The following ANK1 variants were observed in gnomAD, a reference collection of about 807,000 sequenced individuals.
The protein encoded by ANK1 is ankyrin-1.
A neutral mutation model predicts 210.4 loss-of-function variants in ANK1; 51 were observed. The observed-to-expected ratio is 0.24, with a 90% CI of 0.19 to 0.31. The LOEUF is 0.31. Ranked by LOEUF, ANK1 falls within the 10% of genes least tolerant of loss-of-function variation. The pLI is 1.00. For missense variants in ANK1, 2,051 were observed against 2,504.4 expected (o/e 0.82, Z 3.86); for synonymous variants, 967 against 1,025.9 (o/e 0.94, Z 1.10).
chr8:41,888,764 A>C (rs1051086518), intron 1 of ANK1, among the ~76,000 whole-genome samples: 31 of 152,196 alleles, frequency 2.0e-4, no homozygotes, highest in African/African-American at 7.5e-4. Context: ...ACAAAGCAGA[A>C]ACCCCAGGAC....
Position 41,727,991 on chromosome 8 carries a change from G to A in ANK1, c.244C>T (p.Leu82=). The A allele has an allele frequency of 6.2e-7, 1 of 1,613,950 alleles. No individual in the cohort carries two copies. Among genetic ancestry groups the A allele is most frequent in the East Asian group, 2.2e-5 (1 of 44,894 alleles). ...ETTTKKGNTA[L]HIAALAGQDE... is the part of the protein sequence containing the mutation. ...TGCCCGGCTAGAGCAGCGATGTGCA[G>A]GGCCGTGTTCCCCTTCTGAAACACA... is the stretch of plus-strand genomic sequence containing the variant. The change falls in exon 4 of 43, where the codon CTG becomes TTG. Residue 82 remains leucine, a synonymous_variant. Coordinates refer to ENST00000289734, the MANE Select transcript of ANK1 (RefSeq NM_000037.4).
At chr8:41,701,459 G>C (rs1780379689) in intron 22 of ANK1, 91 bp downstream of exon 22, 1 of 1,191,664 alleles carries the variant, frequency 8.4e-7, no homozygotes, top group African/African-American at 1.5e-5. Flanking sequence ...TGTTGTAAGG[G>C]GACAAAGCCG....
chr8:41,845,580 G>A (rs945168931), intron 1 of ANK1, among the ~76,000 whole-genome samples: 1 of 151,964 alleles, frequency 6.6e-6, no homozygotes, highest in South Asian at 2.1e-4. Flanking sequence ...GGGCTTGGGG[G>A]GGTCTGGATC....
intron 1 of ANK1, among the ~76,000 whole-genome samples, chr8:41,852,986 G>T (rs1426475368): frequency 2.0e-5 from 3 of 152,162 alleles, no homozygotes; most frequent in African/African-American, 7.2e-5. Context: ...TCCATATGTG[G>T]TGGCTCCTTT....
intron 1 of ANK1, among the ~76,000 whole-genome samples, chr8:41,790,144 CTTTTT>C (rs112954712): frequency 7.3e-6 from 1 of 136,974 alleles, no homozygotes; most frequent in African/African-American, 2.7e-5. Flanking sequence ...GGAAAGGAAT[CTTTTT>C]TTTTTTTTTT....
intron 39 of ANK1, chr8:41,664,292 C>T (rs914322121): frequency 1.8e-5 from 7 of 394,146 alleles, no homozygotes; most frequent in South Asian, 5.6e-5. Flanking sequence ...GGCAACATAG[C>T]GAGCCCCCAT....
intron 7 of ANK1, among the ~76,000 whole-genome samples, chr8:41,724,038 T>C (rs983073478): frequency 1.3e-5 from 2 of 151,960 alleles, no homozygotes; most frequent in Non-Finnish European, 2.9e-5. Context: ...TCCGCCCGTC[T>C]CGGCCTCCCA....
intron 1 of ANK1, among the ~76,000 whole-genome samples, chr8:41,876,197 C>A (rs112062759): frequency 0.036 from 5,442 of 152,216 alleles, 339 homozygotes; most frequent in African/African-American, 0.12. Context: ...CGGGGACGGC[C>A]CTGTCTGGCC....
intron 18 of ANK1, among the ~76,000 whole-genome samples, chr8:41,705,368 G>T (rs545058147): frequency 1.3e-5 from 2 of 152,334 alleles, no homozygotes; most frequent in African/African-American, 2.4e-5. Flanking sequence ...AAGCCTCAAA[G>T]ATCCAGAACA....
rs755174242 is a variant in ANK1 at position 41,704,367 on chromosome 8, C to T, written c.2196+7G>A. Reference sequence around the variant, plus strand: ...GTGCAGGAGTCGGGGCTGGGGCACCCCTGTACCTTGGTCTTGGCATTGACA... The same window carrying T: ...GTGCAGGAGTCGGGGCTGGGGCACCTCTGTACCTTGGTCTTGGCATTGACA... On this transcript the variant is annotated splice_region_variant and intron_variant, in intron 19 of 42. Coordinates refer to ENST00000289734, the MANE Select transcript of ANK1 (RefSeq NM_000037.4). This position sits in a 1 kb window ranked among gnomAD's most constrained non-coding sequence, Gnocchi z 4.1. 3.7e-6 allele frequency: 6 copies of T among 1,613,522 alleles called. No individual in the cohort carries two copies. Among genetic ancestry groups the T allele is most frequent in the Non-Finnish European group, 5.1e-6 (6 of 1,179,622 alleles).
chr8:41,733,700 G>C (rs925650201), intron 3 of ANK1, among the ~76,000 whole-genome samples: 1 of 152,138 alleles, frequency 6.6e-6, no homozygotes, highest in Non-Finnish European at 1.5e-5. Flanking sequence ...CTGAGTTCGA[G>C]TCAAGGACCC....
intron 1 of ANK1, among the ~76,000 whole-genome samples, chr8:41,888,785 C>T (rs10958702): frequency 0.19 from 28,656 of 152,136 alleles, 2,916 homozygotes; most frequent in East Asian, 0.4. Context: ...TCCGTTTTCA[C>T]CTGCTCTTTC....
chr8:41,889,876 C>T (rs1489271111), intron 1 of ANK1, among the ~76,000 whole-genome samples: 6 of 152,206 alleles, frequency 3.9e-5, no homozygotes, highest in East Asian at 1.9e-4. Flanking sequence ...AAGTTATTGA[C>T]GAACCCATGC....
intron 1 of ANK1, among the ~76,000 whole-genome samples, chr8:41,820,250 C>T (rs1335976498): frequency 6.6e-6 from 1 of 151,708 alleles, no homozygotes; most frequent in Non-Finnish European, 1.5e-5. Context: ...GCCTCAAACT[C>T]CTGGACTCAA....
In ANK1 at chr8:41,661,887, C is replaced by T; in HGVS notation, c.5533G>A (p.Glu1845Lys). 2 of 1,614,128 alleles carry T rather than the reference C, an allele frequency of 1.2e-6. No homozygotes were observed. Among genetic ancestry groups the T allele is most frequent in the South Asian group, 2.2e-5 (2 of 91,082 alleles). Residue 1845 changes from glutamate (E) to lysine (K), a missense_variant, in exon 41 of 43, where the codon GAG becomes AAG. By Grantham distance (56) the Glu-to-Lys change is moderately conservative. This residue lies in a region of ANK1 where 496 missense variants were observed against 533.4 expected (regional missense o/e 0.93). Coordinates refer to ENST00000289734, the MANE Select transcript of ANK1 (RefSeq NM_000037.4). ...CCCTCTACAGTCACCTCCTCGTGCT[C>T]CTGGGCGGCATCGGCGCTGGACAAG... ...IDLSSADAAQ[E>K]HEEVELRGSG...
intron 2 of ANK1, 122 bp downstream of exon 2, chr8:41,757,914 C>G: frequency 1.1e-6 from 1 of 935,204 alleles, no homozygotes; most frequent in Non-Finnish European, 1.7e-6. Flanking sequence ...CAGGCAGGAG[C>G]CCTGGGGGAG....
At chr8:41,723,277 A>G (rs1829732872) in intron 8 of ANK1, 54 bp from the exon 9 acceptor site, 15 of 1,573,886 alleles carry the variant, frequency 9.5e-6, no homozygotes, top group Admixed American at 5.0e-5. Flanking sequence ...ATCAGAGGCC[A>G]TTTGGAGAGA....
In ANK1 at chr8:41,696,685, A is replaced by C. The variant is rs1459401342; in HGVS notation, c.2726T>G (p.Val909Gly). The C allele has an allele frequency of 1.6e-5, 26 of 1,602,936 alleles. No individual in the cohort carries two copies. The highest frequency in any genetic ancestry group is 2.1e-5 in the Non-Finnish European group (25 of 1,179,742). The change falls in exon 25 of 43, where the codon GTG becomes GGG. Residue 909 changes from valine to glycine, a missense_variant. This residue lies in a region of ANK1 where 1,413 missense variants were observed against 1,707.4 expected (regional missense o/e 0.83). Transcript: ENST00000289734. ...TGCGCCCGCCACTCACCCTGTATGC[A>C]CCGGGCTGGCCACCGGGCTGATGTT... ...SDNISPVASPVHTGFLVSFMV... is the reference protein window; with the variant it reads ...SDNISPVASPGHTGFLVSFMV...
At chr8:41,889,836 T>C (rs1051662502) in intron 1 of ANK1, among the ~76,000 whole-genome samples, 6 of 152,212 alleles carry the variant, frequency 3.9e-5, no homozygotes, top group Admixed American at 1.3e-4. Flanking sequence ...AAGACTTCAA[T>C]AAAGCTTGCA....
Sources: gnomAD v4.1 joint callset for allele counts (sites outside exome capture counted in the v4.1 genomes callset) on GRCh38, gnomAD v4.1.1 for gene constraint, gnomAD v4.1.1 regional missense constraint, Gnocchi (gnomAD v3.1) non-coding constraint, MANE v1.5 for transcripts, NCBI Gene and HGNC (gene_info 2026-07-23, HGNC 2026-07-21) for gene names.